The following STRN variants were observed in gnomAD, a reference collection of about 807,000 sequenced individuals.
STRN encodes striatin.
Under a neutral mutation model 96.3 loss-of-function variants are expected in STRN, and 53 were observed. That is an observed-to-expected ratio of 0.55 (90% CI 0.44 to 0.69). The LOEUF (loss-of-function observed/expected upper bound fraction) is 0.69. Ranked by LOEUF, STRN falls within the 30% of genes least tolerant of loss-of-function variation. STRN has a pLI of 0.00. For synonymous variants in STRN, 428 were observed against 355.9 expected (o/e 1.20, Z -2.28); for missense variants, 987 against 963.9 (o/e 1.02, Z -0.32).
At chr2:36,901,322 G>A (rs113129508) in intron 5 of STRN, among the ~76,000 whole-genome samples, 2 of 152,122 alleles carry the variant, frequency 1.3e-5, no homozygotes, top group Admixed American at 1.3e-4. Flanking sequence ...GGAGGCCAAG[G>A]CGGGTGGATC....
At chr2:36,886,064 T>TCA (rs1342117377) in intron 8 of STRN, among the ~76,000 whole-genome samples, 2 of 152,274 alleles carry the variant, frequency 1.3e-5, no homozygotes, top group East Asian at 3.9e-4. Flanking sequence ...CATATATGAT[T>TCA]CACAGGGCTA....
rs974265173 is a variant in STRN at position 36,841,800 on chromosome 2, A to G, written c.*7656T>C. ...AGGATACTTTTGATATATTTCCTAA[A>G]AATATTTAATTTAGATAACAAGGAC... On this transcript the variant is annotated 3_prime_UTR_variant, in exon 18 of 18. Coordinates refer to ENST00000263918, the MANE Select transcript of STRN (RefSeq NM_003162.4). The G allele has an allele frequency of 2.6e-5, 4 of 152,216 alleles. No individual in the cohort carries two copies. The highest frequency in any genetic ancestry group is 9.7e-5 in the African/African-American group (4 of 41,448). The allele number at this position is 152,216 out of a possible 1,614,324, so 9.4% of individuals were successfully genotyped here.
intron 1 of STRN, among the ~76,000 whole-genome samples, chr2:36,940,061 CTACATAAAATACTGA>C (rs952924371): frequency 6.6e-6 from 1 of 152,104 alleles, no homozygotes; most frequent in Non-Finnish European, 1.5e-5. Flanking sequence ...AACTTATAAT[CTACATAAAATACTGA>C]TAGTTTAATT....
intron 1 of STRN, among the ~76,000 whole-genome samples, chr2:36,955,000 CT>C (rs1422820261): frequency 6.6e-6 from 1 of 152,170 alleles, no homozygotes; most frequent in Non-Finnish European, 1.5e-5. Context: ...TCCTGAACCT[CT>C]TACTATACCG....
At chr2:36,942,165 C>A (rs1670861883) in intron 1 of STRN, among the ~76,000 whole-genome samples, 1 of 152,100 alleles carries the variant, frequency 6.6e-6, no homozygotes, top group South Asian at 2.1e-4. Context: ...CAAAAATAAC[C>A]CAAACAGACC....
At chr2:36,876,484 GT>G (rs1317519793) in intron 10 of STRN, among the ~76,000 whole-genome samples, 2 of 152,026 alleles carry the variant, frequency 1.3e-5, no homozygotes, top group South Asian at 2.1e-4. Flanking sequence ...CAGGTTGGGA[GT>G]TTTTTTATCT....
At position 36,851,368 on chromosome 2, in the gene STRN, A is replaced by G. The variant is rs554807435; in HGVS notation, c.1979-261T>C. 2.6e-5 allele frequency among the ~76,000 whole-genome samples: 4 copies of G among 152,212 alleles called. No homozygotes were observed. In the South Asian group the frequency reaches 8.3e-4, roughly 32 times the overall value. ...TGTGGTGGTGCGTGCCTGTAGTTCCAGCTACTCAGGAGGCTGAGGCAGGAA... is the reference window on the plus strand; with the variant it reads ...TGTGGTGGTGCGTGCCTGTAGTTCCGGCTACTCAGGAGGCTGAGGCAGGAA... On this transcript the variant is annotated intron_variant, in intron 15 of 17. Coordinates refer to ENST00000263918, the MANE Select transcript of STRN (RefSeq NM_003162.4).
chr2:36,847,382 C>G lies in STRN; in HGVS notation c.*2074G>C, dbSNP rs1668107254. 1 of 152,076 alleles carries G rather than the reference C, an allele frequency of 6.6e-6. No individual in the cohort carries two copies. Among genetic ancestry groups the G allele is most frequent in the Non-Finnish European group, 1.5e-5 (1 of 67,986 alleles). 9.4% of individuals were successfully genotyped at this position (152,076 alleles called of 1,614,324 possible). ...TCATAAATACACCAAGTAATGGCAT[C>G]TTCCTTCCTTCCTTCCTGGAAGGAA... On this transcript the variant is annotated 3_prime_UTR_variant, in exon 18 of 18. Transcript: ENST00000263918.
At chr2:36,919,001 A>C (rs917212381) in intron 2 of STRN, among the ~76,000 whole-genome samples, 2 of 152,210 alleles carry the variant, frequency 1.3e-5, no homozygotes, top group South Asian at 4.1e-4. Context: ...TTGCTTAATA[A>C]CTATAATACA....
chr2:36,899,544 T>C lies in STRN; in HGVS notation c.774A>G (p.Lys258=). The C allele has an allele frequency of 1.2e-6, 2 of 1,612,150 alleles. No individual in the cohort carries two copies. The highest frequency in any genetic ancestry group is 1.7e-6 in the Non-Finnish European group (2 of 1,179,618). The change falls in exon 6 of 18, where the codon AAA becomes AAG. Residue 258 remains lysine, a synonymous_variant. Transcript: ENST00000263918. The stretch of plus-strand genomic sequence containing the variant: ...TCACTGTTGAAGTATCAATGACGCT[T>C]TTCTCTCTTCCATCAACATCATCAT... ...DEDDDVDGRE[K]SVIDTSTIVR...
chr2:36,850,939 A>C, intron 16 of STRN, 61 bp downstream of exon 16: 1 of 1,343,916 alleles, frequency 7.4e-7, no homozygotes. Context: ...AAATTAGCCT[A>C]CTTGTGGTAG....
At chr2:36,859,114 T>C (rs2148134799) in intron 13 of STRN, among the ~76,000 whole-genome samples, 1 of 152,328 alleles carries the variant, frequency 6.6e-6, no homozygotes, top group Non-Finnish European at 1.5e-5. Context: ...TGAGGGCATC[T>C]AGTTTATGGT....
At position 36,907,680 on chromosome 2, in the gene STRN, G is replaced by C. The variant is rs199644378; in HGVS notation, c.413-2062C>G. ...TAAAGATAAGAAAGCTTGAGTTTTG[G>C]AAGGCAATTTTCAGGTTTTTTAGTT... On this transcript the variant is annotated intron_variant, in intron 3 of 17. Coordinates refer to ENST00000263918, the MANE Select transcript of STRN (RefSeq NM_003162.4). Among the ~76,000 whole-genome samples the C allele has an allele frequency of 5.9e-5, 9 of 152,278 alleles. No homozygotes were observed. The East Asian group carries it at 1.4e-3, about 23-fold the overall frequency.
chr2:36,867,430 T>A lies in STRN; in HGVS notation c.1547+384A>T, dbSNP rs573703266. Reference sequence around the variant, plus strand: ...TGGAACCCTTCGTGAATCTGTGTCATCCTTGTACTGAGGCCTTGCTAATCT... The same window carrying A: ...TGGAACCCTTCGTGAATCTGTGTCAACCTTGTACTGAGGCCTTGCTAATCT... On this transcript the variant is annotated intron_variant, in intron 12 of 17. Coordinates refer to ENST00000263918, the MANE Select transcript of STRN (RefSeq NM_003162.4). The A allele has an allele frequency of 1.9e-3, 304 of 158,774 alleles. 1 individual carries two copies. The highest frequency in any genetic ancestry group is 2.8e-3 in the Non-Finnish European group (205 of 72,596). The allele number at this position is 158,774 out of a possible 1,614,324, so 9.8% of individuals were successfully genotyped here.
intron 12 of STRN, among the ~76,000 whole-genome samples, chr2:36,862,840 T>C (rs1386382796): frequency 1.3e-5 from 2 of 151,854 alleles, no homozygotes; most frequent in African/African-American, 2.4e-5. Flanking sequence ...GTTCACGCCG[T>C]TCTCCTGCCT....
rs555148487 is a variant in STRN at position 36,857,736 on chromosome 2, T to A, written c.1837+120A>T. The A allele has an allele frequency of 6.0e-4, 485 of 813,272 alleles. 1 individual carries two copies. The highest frequency in any genetic ancestry group is 7.2e-4 in the Non-Finnish European group (395 of 550,390). The allele number at this position is 813,272 out of a possible 1,614,324, so 50.4% of individuals were successfully genotyped here. On this transcript the variant is annotated intron_variant, in intron 14 of 17. Coordinates refer to ENST00000263918, the MANE Select transcript of STRN (RefSeq NM_003162.4). ...GGAAATTCAAACAAATACACTTTCG[T>A]GGCTTCAAAAACTTTCAAATTAAAT... is the stretch of plus-strand genomic sequence containing the variant.
intron 8 of STRN, among the ~76,000 whole-genome samples, chr2:36,886,170 G>A (rs58038516): frequency 6.6e-6 from 1 of 152,124 alleles, no homozygotes. Flanking sequence ...GGCCAAAAAT[G>A]TTTAAATAGA....
At chr2:36,895,565 C>T (rs907505903) in intron 6 of STRN, among the ~76,000 whole-genome samples, 11 of 151,968 alleles carry the variant, frequency 7.2e-5, no homozygotes, top group African/African-American at 2.4e-4. Flanking sequence ...TAAATACAAA[C>T]CATATTCTAA....
At chr2:36,961,179 T>G (rs1345532153) in intron 1 of STRN, among the ~76,000 whole-genome samples, 1 of 137,080 alleles carries the variant, frequency 7.3e-6, no homozygotes, top group Non-Finnish European at 1.5e-5. Context: ...CAGGCTGGAG[T>G]GCAGTGGAGT....
Sources: gnomAD v4.1 joint callset for allele counts (sites outside exome capture counted in the v4.1 genomes callset) on GRCh38, gnomAD v4.1.1 for gene constraint, MANE v1.5 for transcripts, NCBI Gene and HGNC (gene_info 2026-07-23, HGNC 2026-07-21) for gene names.